Variants in CADM2 observed in about 807,000 individuals in gnomAD.
The protein encoded by CADM2 is cell adhesion molecule 2.
In CADM2, 12 loss-of-function variants were observed where a neutral mutation model predicts 49.8. That is an observed-to-expected ratio of 0.24 (90% confidence interval 0.15 to 0.39). The LOEUF (loss-of-function observed/expected upper bound fraction) is 0.39. Among genes scored for constraint, CADM2 ranks in the 10% least tolerant of loss-of-function variants. The pLI is 1.00. For missense variants in CADM2, 378 were observed against 492.3 expected (o/e 0.77, Z 2.20); for synonymous variants, 214 against 175.4 (o/e 1.22, Z -1.74).
chr3:85,446,608 T>TG (rs1176112448), intron 1 of CADM2, among the ~76,000 whole-genome samples: 2 of 149,778 alleles, frequency 1.3e-5, no homozygotes, highest in Non-Finnish European at 1.5e-5. Context: ...TTTTTTGTTT[T>TG]TTTTTTTTTT....
At chr3:85,974,917 A>G (rs900907343) in intron 8 of CADM2, among the ~76,000 whole-genome samples, 2 of 151,624 alleles carry the variant, frequency 1.3e-5, no homozygotes, top group African/African-American at 4.8e-5. Context: ...ATTTATTACA[A>G]TTCAAACTTT....
chr3:85,618,664 G>A (rs903731899), intron 1 of CADM2, among the ~76,000 whole-genome samples: 2 of 151,846 alleles, frequency 1.3e-5, no homozygotes, highest in Admixed American at 6.6e-5. Flanking sequence ...TGTATATAAG[G>A]AGAGAGTATA....
intron 3 of CADM2, among the ~76,000 whole-genome samples, chr3:85,851,017 T>G (rs1311581539): frequency 6.6e-6 from 1 of 152,122 alleles, no homozygotes; most frequent in Non-Finnish European, 1.5e-5. Context: ...AGAGTAGTCC[T>G]CTCTTGCACA....
chr3:85,232,134 A>ATATTATTATTATTAT (rs10575918), intron 1 of CADM2, among the ~76,000 whole-genome samples: 21 of 146,354 alleles, frequency 1.4e-4, no homozygotes, highest in African/African-American at 5.2e-4. Flanking sequence ...CGATTTGAAG[A>ATATTATTATTATTAT]TATTATTATT....
intron 8 of CADM2, among the ~76,000 whole-genome samples, chr3:86,021,273 T>TTGGGAC (rs1392742134): frequency 3.3e-5 from 5 of 152,120 alleles, no homozygotes; most frequent in Admixed American, 6.6e-5. Flanking sequence ...GTGCTGGGAT[T>TTGGGAC]TCAAGTGTGA....
chr3:85,449,184 A>G, intron 1 of CADM2, among the ~76,000 whole-genome samples: 1 of 149,888 alleles, frequency 6.7e-6, no homozygotes, highest in Non-Finnish European at 1.5e-5. Context: ...TTTCATTTTA[A>G]TTTTTTTTTC....
chr3:85,273,066 C>T (rs891007398), intron 1 of CADM2, among the ~76,000 whole-genome samples: 9 of 149,616 alleles, frequency 6.0e-5, no homozygotes, highest in African/African-American at 1.5e-4. Flanking sequence ...TTTTGAGGAA[C>T]GTAAAGGAGT....
At chr3:85,985,114 C>T (rs1370755554) in intron 8 of CADM2, among the ~76,000 whole-genome samples, 2 of 151,918 alleles carry the variant, frequency 1.3e-5, no homozygotes, top group East Asian at 1.9e-4. Context: ...TGAAATTTAA[C>T]TCAGTGACTT....
intron 6 of CADM2, among the ~76,000 whole-genome samples, chr3:85,933,225 C>T (rs187995051): frequency 7.1e-4 from 108 of 152,158 alleles, no homozygotes; most frequent in Admixed American, 3.8e-3. Context: ...CCTCCACCCC[C>T]ACCCTCAGGA....
At chr3:85,076,042 A>G (rs2107486479) in intron 1 of CADM2, among the ~76,000 whole-genome samples, 1 of 151,982 alleles carries the variant, frequency 6.6e-6, no homozygotes, top group South Asian at 2.1e-4. Flanking sequence ...TTTAGAAGAA[A>G]ATGTTCCAGA....
intron 5 of CADM2, among the ~76,000 whole-genome samples, chr3:85,903,530 TGACCTTCA>T (rs1346022724): frequency 6.6e-6 from 1 of 152,202 alleles, no homozygotes; most frequent in Admixed American, 6.5e-5. Context: ...AACTACCTTC[TGACCTTCA>T]TTGGTTTTGA....
At chr3:85,097,680 C>G (rs2037852105) in intron 1 of CADM2, among the ~76,000 whole-genome samples, 1 of 152,154 alleles carries the variant, frequency 6.6e-6, no homozygotes, top group African/African-American at 2.4e-5. Flanking sequence ...GGACATACAG[C>G]TGTAATTGGC....
At chr3:86,050,948 T>C (rs895852699) in intron 8 of CADM2, among the ~76,000 whole-genome samples, 3 of 152,206 alleles carry the variant, frequency 2.0e-5, no homozygotes, top group African/African-American at 7.2e-5. Flanking sequence ...CACATTATCT[T>C]GGCTTTTTAC....
intron 1 of CADM2, among the ~76,000 whole-genome samples, chr3:85,497,387 G>C (rs1048759286): frequency 6.6e-6 from 1 of 151,892 alleles, no homozygotes; most frequent in African/African-American, 2.4e-5. Context: ...CATTACATTT[G>C]AAATTGGCCT....
intron 1 of CADM2, among the ~76,000 whole-genome samples, chr3:85,354,353 T>C (rs1576404305): frequency 1.8e-5 from 1 of 56,418 alleles, no homozygotes; most frequent in Non-Finnish European, 3.2e-5. Flanking sequence ...GGGACTGTTG[T>C]GGGGTGGGGG....
At chr3:85,873,231 C>T (rs1263505906) in intron 3 of CADM2, among the ~76,000 whole-genome samples, 1 of 152,068 alleles carries the variant, frequency 6.6e-6, no homozygotes, top group East Asian at 1.9e-4. Context: ...ACATTCAAAC[C>T]ATAGCATTAA....
intron 1 of CADM2, among the ~76,000 whole-genome samples, chr3:85,100,540 G>A (rs1442288243): frequency 6.6e-6 from 1 of 152,064 alleles, no homozygotes; most frequent in Non-Finnish European, 1.5e-5. Flanking sequence ...AAATCTCATT[G>A]GGTTACACAT....
chr3:86,032,368 T>C (rs1327236199), intron 8 of CADM2, among the ~76,000 whole-genome samples: 1 of 151,884 alleles, frequency 6.6e-6, no homozygotes, highest in Non-Finnish European at 1.5e-5. Flanking sequence ...GAACATTTAG[T>C]AAACAATGCT....
rs554286689 is a variant in CADM2 at position 85,960,629 on chromosome 3, T to C, written c.792-840T>C. Among the ~76,000 whole-genome samples the C allele has an allele frequency of 8.5e-5, 13 of 152,120 alleles. 1 individual carries two copies. In the South Asian group the frequency reaches 2.7e-3, roughly 31 times the overall value. Reference sequence around the variant, plus strand: ...TAGGATAACAACTAGCAGATGGTAATAGATATTATTAACAACTATTTCTAT... The same window carrying C: ...TAGGATAACAACTAGCAGATGGTAACAGATATTATTAACAACTATTTCTAT... On this transcript the variant is annotated intron_variant, in intron 7 of 9. Transcript: ENST00000383699.
Sources: allele counts gnomAD v4.1 joint callset (sites outside exome capture counted in the v4.1 genomes callset), GRCh38; gene constraint gnomAD v4.1.1; transcripts MANE v1.5; gene names NCBI Gene and HGNC (gene_info 2026-07-23, HGNC 2026-07-21).